MTA3: variants seen among roughly 807,000 people sequenced by gnomAD.
MTA3 encodes metastasis associated 1 family member 3, also known as metastasis-associated protein MTA3.
A neutral mutation model predicts 83.5 loss-of-function variants in MTA3; 34 were observed. That is an observed-to-expected ratio of 0.41 (90% CI 0.31 to 0.54). MTA3 has a LOEUF of 0.54. Among genes scored for constraint, MTA3 ranks in the 20% least tolerant of loss-of-function variants. The probability of loss-of-function intolerance (pLI) is 0.33; values close to 1 mark genes in which losing one functional copy is unlikely to be tolerated. For missense variants in MTA3, 761 were observed against 726.4 expected (o/e 1.05, Z -0.55); for synonymous variants, 303 against 252.7 (o/e 1.20, Z -1.89).
chr2:42,598,320 C>A, intron 3 of MTA3, among the ~76,000 whole-genome samples: 1 of 152,150 alleles, frequency 6.6e-6, no homozygotes, highest in Non-Finnish European at 1.5e-5. Context: ...CCGCCTCGGC[C>A]TCCCAAAGTG....
intron 2 of MTA3, among the ~76,000 whole-genome samples, chr2:42,553,464 G>T (rs1019524782): frequency 2.7e-5 from 4 of 145,714 alleles, no homozygotes; most frequent in South Asian, 2.2e-4. Context: ...GGCCAGACAC[G>T]GTGGCTCATA....
chr2:42,502,784 C>A (rs1674452198), intron 2 of MTA3, among the ~76,000 whole-genome samples: 1 of 80,816 alleles, frequency 1.2e-5, no homozygotes, highest in Admixed American at 1.3e-4. Context: ...GCAACAAGAA[C>A]AAAACTCTGT....
intron 4 of MTA3, among the ~76,000 whole-genome samples, chr2:42,630,407 G>A (rs1686563515): frequency 6.6e-6 from 1 of 152,168 alleles, no homozygotes; most frequent in African/African-American, 2.4e-5. Context: ...TCTGTCTCCT[G>A]CACAGTCCCC....
chr2:42,738,832 G>A (rs999624792), intron 16 of MTA3, among the ~76,000 whole-genome samples: 1 of 152,192 alleles, frequency 6.6e-6, no homozygotes, highest in South Asian at 2.1e-4. Context: ...TGAGACTGCA[G>A]GGGTGAAATA....
At chr2:42,536,971 G>A (rs1676275050) in intron 2 of MTA3, among the ~76,000 whole-genome samples, 1 of 151,798 alleles carries the variant, frequency 6.6e-6, no homozygotes. Flanking sequence ...TTCTAAAAGG[G>A]AATACAGTGG....
chr2:42,737,280 G>C (rs918825472), intron 16 of MTA3, among the ~76,000 whole-genome samples: 1 of 152,188 alleles, frequency 6.6e-6, no homozygotes, highest in Admixed American at 6.5e-5. Flanking sequence ...CACAGTGGAA[G>C]GGCTTGCCAG....
intron 3 of MTA3, among the ~76,000 whole-genome samples, chr2:42,602,780 C>G (rs1385963948): frequency 6.6e-6 from 1 of 152,124 alleles, no homozygotes; most frequent in Non-Finnish European, 1.5e-5. Context: ...TCAGTCAGAC[C>G]AAGCCCAAGT....
chr2:42,688,909 C>T (rs1692635732), intron 9 of MTA3, among the ~76,000 whole-genome samples: 1 of 151,748 alleles, frequency 6.6e-6, no homozygotes. Context: ...TGTTCCTGTT[C>T]TTAGGGGAAA....
At chr2:42,654,563 G>A (rs1688993792) in intron 6 of MTA3, among the ~76,000 whole-genome samples, 1 of 152,126 alleles carries the variant, frequency 6.6e-6, no homozygotes, top group African/African-American at 2.4e-5. Flanking sequence ...CCCTTTGTGA[G>A]ACATTCTAAA....
intron 4 of MTA3, among the ~76,000 whole-genome samples, chr2:42,632,333 G>C (rs898054736): frequency 6.6e-6 from 1 of 150,394 alleles, no homozygotes; most frequent in Admixed American, 6.6e-5. Context: ...CTCATGATCC[G>C]CCCACCTCGG....
intron 2 of MTA3, among the ~76,000 whole-genome samples, chr2:42,523,356 G>A (rs1490828261): frequency 6.6e-6 from 1 of 152,154 alleles, no homozygotes; most frequent in African/African-American, 2.4e-5. Context: ...TGATTGGCAA[G>A]AGAGCGGCAG....
chr2:42,666,408 T>A (rs1279792483), intron 8 of MTA3, among the ~76,000 whole-genome samples: 1 of 152,196 alleles, frequency 6.6e-6, no homozygotes, highest in Admixed American at 6.5e-5. Flanking sequence ...TCAACAAAAC[T>A]ATTGAGTTTT....
At chr2:42,571,346 C>T (rs957473649) in intron 2 of MTA3, among the ~76,000 whole-genome samples, 1 of 143,962 alleles carries the variant, frequency 6.9e-6, no homozygotes, top group Non-Finnish European at 1.5e-5. Context: ...GAGATCACGC[C>T]ATTGCACTCT....
intron 8 of MTA3, among the ~76,000 whole-genome samples, chr2:42,681,662 A>G (rs1312812840): frequency 6.6e-6 from 1 of 151,846 alleles, no homozygotes; most frequent in Non-Finnish European, 1.5e-5. Flanking sequence ...GTAGGCATGC[A>G]CAACCAGGCC....
At chr2:42,587,282 A>C (rs1009285142) in intron 3 of MTA3, among the ~76,000 whole-genome samples, 3 of 152,182 alleles carry the variant, frequency 2.0e-5, no homozygotes, top group African/African-American at 7.2e-5. Flanking sequence ...ACTGCACTCC[A>C]GCCCGTGTGA....
chr2:42,577,399 A>G (rs1422444977), intron 2 of MTA3, among the ~76,000 whole-genome samples: 1 of 151,860 alleles, frequency 6.6e-6, no homozygotes, highest in Non-Finnish European at 1.5e-5. Context: ...TTAAATAAGA[A>G]TTTAATTAGC....
rs189394659 is a variant in MTA3 at position 42,629,369 on chromosome 2, G to A, written c.318-10804G>A. ...GCTGGGATTACAGGCGTGATCCACC[G>A]TGCCCAGCGGATAGAGCAGTCTTTT... On this transcript the variant is annotated intron_variant, in intron 4 of 16. Coordinates refer to ENST00000405094, the MANE Select transcript of MTA3 (RefSeq NM_001330442.2). 9.9e-5 allele frequency among the ~76,000 whole-genome samples: 15 copies of A among 152,170 alleles called. No homozygotes were observed. In the South Asian group the frequency reaches 1.9e-3, roughly 19 times the overall value.
chr2:42,502,770 C>T (rs1295039766), intron 2 of MTA3, among the ~76,000 whole-genome samples: 1 of 125,176 alleles, frequency 8.0e-6, no homozygotes, highest in African/African-American at 3.3e-5. Flanking sequence ...GCACTCCAGC[C>T]TGGGCAACAA....
At chr2:42,719,100 A>T in intron 15 of MTA3, 26 bp downstream of exon 15, 1 of 1,477,742 alleles carries the variant, frequency 6.8e-7, no homozygotes, top group Non-Finnish European at 9.3e-7. Flanking sequence ...TAGAGGAAAA[A>T]CTCAAAGAGC....
Sources: gnomAD v4.1 joint callset for allele counts (sites outside exome capture counted in the v4.1 genomes callset) on GRCh38, gnomAD v4.1.1 for gene constraint, MANE v1.5 for transcripts, NCBI Gene and HGNC (gene_info 2026-07-23, HGNC 2026-07-21) for gene names.